CDH1: variants seen among roughly 807,000 people sequenced by gnomAD.
CDH1 encodes the protein cadherin 1.
A neutral mutation model predicts 84.5 loss-of-function variants in CDH1; 35 were observed. The ratio of observed to expected loss-of-function variants is 0.41; its 90% confidence interval spans 0.32 to 0.55. The LOEUF (loss-of-function observed/expected upper bound fraction) is 0.55, where lower values mean the gene tolerates loss of function less well. CDH1 is among the 20% of genes least tolerant of loss of function. CDH1 has a pLI of 0.19. For missense variants in CDH1, 994 were observed against 1,126.6 expected (o/e 0.88, Z 1.68); for synonymous variants, 417 against 439.0 (o/e 0.95, Z 0.63).
intron 3 of CDH1, among the ~76,000 whole-genome samples, chr16:68,806,998 G>A (rs1294328720): frequency 6.6e-6 from 1 of 152,220 alleles, no homozygotes; most frequent in Non-Finnish European, 1.5e-5. Flanking sequence ...TTGGCAAGCA[G>A]TGATCAGTGA....
At position 68,828,155 on chromosome 16, in the gene CDH1, G is replaced by T. The variant is rs1555517632; in HGVS notation, c.2165-19G>T. ...ATCTTTGGCTCTCAACACTTGCTCT[G>T]TCTCCCCCACCATCCCAGTTCTGAT... On this transcript the variant is annotated intron_variant, in intron 13 of 15. Transcript: ENST00000261769. 2 of 1,613,438 alleles carry T rather than the reference G, an allele frequency of 1.2e-6. No individual in the cohort carries two copies. The highest frequency in any genetic ancestry group is 1.7e-6 in the Non-Finnish European group (2 of 1,179,688).
chr16:68,784,893 A>G (rs1960000785), intron 2 of CDH1, among the ~76,000 whole-genome samples: 2 of 151,728 alleles, frequency 1.3e-5, no homozygotes, highest in Admixed American at 1.3e-4. Flanking sequence ...AGGCGGGAGC[A>G]GGCCCCTCCT....
At chr16:68,753,113 C>T (rs763758188) in intron 2 of CDH1, among the ~76,000 whole-genome samples, 4 of 146,848 alleles carry the variant, frequency 2.7e-5, no homozygotes, top group East Asian at 4.1e-4. Flanking sequence ...TTCGGGAGGC[C>T]GAGGCACAAA....
At chr16:68,758,992 C>T (rs1030943235) in intron 2 of CDH1, among the ~76,000 whole-genome samples, 2 of 152,044 alleles carry the variant, frequency 1.3e-5, no homozygotes, top group Non-Finnish European at 2.9e-5. Flanking sequence ...GATGGGGTTT[C>T]ACCATGTTGG....
intron 2 of CDH1, among the ~76,000 whole-genome samples, chr16:68,744,427 T>G (rs1016666375): frequency 6.6e-6 from 1 of 152,190 alleles, no homozygotes; most frequent in Non-Finnish European, 1.5e-5. Flanking sequence ...TCTATCCCCA[T>G]CTCTAGCCAT....
At chr16:68,820,025 C>G (rs1362759776) in intron 11 of CDH1, among the ~76,000 whole-genome samples, 2 of 151,860 alleles carry the variant, frequency 1.3e-5, no homozygotes, top group Admixed American at 6.6e-5. Flanking sequence ...ATGGCAAAAC[C>G]CTGTCTCTAC....
At chr16:68,823,194 C>T (rs1273441813) in intron 12 of CDH1, 3 of 565,392 alleles carry the variant, frequency 5.3e-6, no homozygotes, top group Non-Finnish European at 3.1e-6. Flanking sequence ...CTCTAGAGCC[C>T]TCTCCCAAGC....
At chr16:68,754,610 T>C (rs745668726) in intron 2 of CDH1, among the ~76,000 whole-genome samples, 2 of 152,136 alleles carry the variant, frequency 1.3e-5, no homozygotes, top group African/African-American at 2.4e-5. Context: ...AAGTCTGTGC[T>C]CTTTATAGCA....
intron 2 of CDH1, among the ~76,000 whole-genome samples, chr16:68,780,750 C>T (rs977730022): frequency 1.3e-5 from 2 of 152,186 alleles, no homozygotes; most frequent in South Asian, 2.1e-4. Context: ...ACCTCATTCT[C>T]GTGATTTCAT....
Position 68,833,573 on chromosome 16 carries a change from C to G in CDH1, c.*74C>G, listed in dbSNP as rs1961553173. The G allele has an allele frequency of 4.2e-6, 5 of 1,185,448 alleles. No homozygotes were observed. Among genetic ancestry groups the G allele is most frequent in the South Asian group, 3.7e-5 (3 of 82,084 alleles). The allele number at this position is 1,185,448 out of a possible 1,614,324, so 73.4% of individuals were successfully genotyped here. A position where few individuals can be genotyped will look rare whatever the true frequency, so the allele number is the denominator to read the frequency against. On this transcript the variant is annotated 3_prime_UTR_variant, in exon 16 of 16. Transcript: ENST00000261769. ...AATCACGTTGCTGGTGGTTTTTCAG[C>G]TCCCTTCCCTTGAGATGAGTTTCTG...
intron 2 of CDH1, among the ~76,000 whole-genome samples, chr16:68,753,265 T>C (rs1474802944): frequency 6.8e-6 from 1 of 146,186 alleles, no homozygotes; most frequent in African/African-American, 2.5e-5. Context: ...TCGGCCAAGA[T>C]AAAAATCTCA....
intron 9 of CDH1, among the ~76,000 whole-genome samples, chr16:68,814,119 C>T (rs948598579): frequency 2.0e-5 from 3 of 151,896 alleles, no homozygotes; most frequent in South Asian, 2.1e-4. Context: ...CCTATAGTCC[C>T]AGCTACTAGG....
chr16:68,818,395 TTATG>T (rs1961040408), intron 10 of CDH1, among the ~76,000 whole-genome samples: 1 of 151,968 alleles, frequency 6.6e-6, no homozygotes, highest in African/African-American at 2.4e-5. Flanking sequence ...GAACAAGAAA[TTATG>T]TAGGCGTGTG....
At position 68,737,366 on chromosome 16, in the gene CDH1, C is replaced by T. The variant is rs876660969; in HGVS notation, c.-50C>T. 3 of 1,499,596 alleles carry T rather than the reference C, an allele frequency of 2.0e-6. No individual in the cohort carries two copies. Among genetic ancestry groups the T allele is most frequent in the Non-Finnish European group, 1.8e-6 (2 of 1,119,694 alleles). 92.9% of individuals were successfully genotyped at this position (1,499,596 alleles called of 1,614,324 possible). ...GACTCCAGCCCGCTCCAGCCCGGCC[C>T]GACCCGACCGCACCCGGCGCCTGCC... On this transcript the variant is annotated 5_prime_UTR_variant, in exon 1 of 16. Transcript: ENST00000261769.
At chr16:68,811,480 A>C (rs1318255510) in intron 6 of CDH1, among the ~76,000 whole-genome samples, 1 of 150,356 alleles carries the variant, frequency 6.7e-6, no homozygotes, top group Non-Finnish European at 1.5e-5. Context: ...CCATTTGTGT[A>C]TTTATACCTG....
Position 68,822,110 on chromosome 16 carries a change from A to T in CDH1, c.1821A>T (p.Pro607=), listed in dbSNP as rs1961162578. Residue 607 remains proline (P), a synonymous_variant, in exon 12 of 16, where the codon CCA becomes CCT. Transcript: ENST00000261769. ...CTATATTCTTCTGTGAGAGGAATCC[A>T]AAGCCTCAGGTCATAAACATCATTG... ...PRTIFFCERN[P]KPQVINIIDA... 6.2e-7 allele frequency: 1 copy of T among 1,614,174 alleles called. No homozygotes were observed. The highest frequency in any genetic ancestry group is 1.3e-5 in the African/African-American group (1 of 75,038).
intron 2 of CDH1, among the ~76,000 whole-genome samples, chr16:68,743,274 G>C (rs1775470611): frequency 1.3e-5 from 2 of 151,428 alleles, no homozygotes; most frequent in Admixed American, 1.3e-4. Context: ...TCCAATCCTT[G>C]CTGGGTCTCT....
At chr16:68,807,816 C>T (rs945266616) in intron 3 of CDH1, among the ~76,000 whole-genome samples, 16 of 152,106 alleles carry the variant, frequency 1.1e-4, no homozygotes, top group Non-Finnish European at 2.2e-4. Flanking sequence ...TGTGGTGGCT[C>T]ATGCCTGTAA....
chr16:68,750,583 A>C lies in CDH1; in HGVS notation c.163+12172A>C, dbSNP rs539577536. ...ATAATAATTAGCTGGCTTTGTAATT[A>C]GGAGAGCTTGTAACAAGCCAAAAGC... On this transcript the variant is annotated intron_variant, in intron 2 of 15. Coordinates refer to ENST00000261769, the MANE Select transcript of CDH1 (RefSeq NM_004360.5). 3.3e-3 allele frequency among the ~76,000 whole-genome samples: 496 copies of C among 152,236 alleles called. 7 individuals carry two copies. Among genetic ancestry groups the C allele is most frequent in the African/African-American group, 0.011 (472 of 41,560 alleles).
Sources: allele counts gnomAD v4.1 joint callset (sites outside exome capture counted in the v4.1 genomes callset), GRCh38; gene constraint gnomAD v4.1.1; transcripts MANE v1.5; gene names NCBI Gene and HGNC (gene_info 2026-07-23, HGNC 2026-07-21).